ADGRB2: variants seen among roughly 807,000 people sequenced by gnomAD.
ADGRB2 encodes the protein adhesion G protein-coupled receptor B2, also known as brain-specific angiogenesis inhibitor 2.
In ADGRB2, 47 loss-of-function variants were observed where a neutral mutation model predicts 178.7. That is an observed-to-expected ratio of 0.26 (90% CI 0.21 to 0.34). ADGRB2 has a LOEUF of 0.34. Among genes scored for constraint, ADGRB2 ranks in the 10% least tolerant of loss-of-function variants. ADGRB2 has a pLI of 1.00. For missense variants in ADGRB2, 1,584 were observed against 2,180.8 expected, an observed-to-expected ratio of 0.73 and a Z score of 5.45; for synonymous variants, 870 against 912.4, an observed-to-expected ratio of 0.95 and a Z score of 0.84.
At chr1:31,762,242 T>C (rs990378174) in intron 1 of ADGRB2, among the ~76,000 whole-genome samples, 1 of 152,042 alleles carries the variant, frequency 6.6e-6, no homozygotes, top group African/African-American at 2.4e-5. Flanking sequence ...AGATCTCTTC[T>C]CTCAATCTTG....
chr1:31,756,307 GCAGCGGGCGC>G lies in ADGRB2; in HGVS notation c.520_529del (p.Ala174ProfsTer2). 6.2e-7 allele frequency: 1 copy of G among 1,613,048 alleles called. No homozygotes were observed. The highest frequency in any genetic ancestry group is 8.5e-7 in the Non-Finnish European group (1 of 1,179,962). ...GACCTCGACAAAGCGGAAGGCTAGGGCAGCGGGCGCCAGCAGGCGCGGGGCCTCGGAGGGC... is the reference window on the plus strand; with the variant it reads ...GACCTCGACAAAGCGGAAGGCTAGGGCAGCAGGCGCGGGGCCTCGGAGGGC... On this transcript the variant is annotated frameshift_variant, in exon 4 of 33. Coordinates refer to ENST00000373658, the MANE Select transcript of ADGRB2 (RefSeq NM_001364857.2). LOFTEE classifies it high-confidence loss of function. The surrounding 1 kb of genome is among the most constrained non-coding windows in gnomAD (Gnocchi z 8.5).
intron 4 of ADGRB2, among the ~76,000 whole-genome samples, chr1:31,752,714 G>A (rs887024861): frequency 1.3e-5 from 2 of 152,096 alleles, no homozygotes; most frequent in African/African-American, 4.8e-5. Context: ...GTGGGGCTTG[G>A]ACACCAGGCT....
Position 31,732,163 on chromosome 1 carries a change from A to C in ADGRB2, c.3721-9T>G. The C allele has an allele frequency of 6.2e-7, 1 of 1,614,082 alleles. No individual in the cohort carries two copies. The highest frequency in any genetic ancestry group is 8.5e-7 in the Non-Finnish European group (1 of 1,179,960). ...TCCTTTTCAAAGTCTGACTATAGGCAGAAAGGGAGGGGCAGGTGGGCAGAG... is the reference window on the plus strand; with the variant it reads ...TCCTTTTCAAAGTCTGACTATAGGCCGAAAGGGAGGGGCAGGTGGGCAGAG... On this transcript the variant is annotated splice_polypyrimidine_tract_variant and intron_variant, in intron 27 of 32. Transcript: ENST00000373658.
intron 4 of ADGRB2, among the ~76,000 whole-genome samples, chr1:31,745,297 CTGGAGGCACAGGTCAG>C (rs1646216599): frequency 6.6e-6 from 1 of 152,320 alleles, no homozygotes; most frequent in African/African-American, 2.4e-5. Flanking sequence ...GGACTGTGAC[CTGGAGGCACAGGTCAG>C]AATGCCACTC....
intron 1 of ADGRB2, 83 bp downstream of exon 1, chr1:31,763,801 A>C: frequency 1.0e-6 from 1 of 985,222 alleles, no homozygotes; most frequent in Non-Finnish European, 1.2e-6. Flanking sequence ...GAGCGCCCCG[A>C]GTCCGGGCCG....
At chr1:31,738,170 A>T (rs368156553) in intron 18 of ADGRB2, 30 bp downstream of exon 18, 14 of 1,609,284 alleles carry the variant, frequency 8.7e-6, no homozygotes, top group South Asian at 1.1e-5. Context: ...CTCCTCCCTT[A>T]TTCAGCCCAG....
rs1341103340 is a variant in ADGRB2 at position 31,755,251 on chromosome 1, T to C, written c.838+748A>G. Reference sequence around the variant, plus strand: ...TTGAAGCTGCAGGAAGCAGGGTCTGTAGAAGGCAGCCGTGGCTGAGGGAGC... The same window carrying C: ...TTGAAGCTGCAGGAAGCAGGGTCTGCAGAAGGCAGCCGTGGCTGAGGGAGC... On this transcript the variant is annotated intron_variant, in intron 4 of 32. Coordinates refer to ENST00000373658, the MANE Select transcript of ADGRB2 (RefSeq NM_001364857.2). This position sits in a 1 kb window ranked among gnomAD's most constrained non-coding sequence, Gnocchi z 5.1. 2.0e-5 allele frequency among the ~76,000 whole-genome samples: 3 copies of C among 152,076 alleles called. No individual in the cohort carries two copies. Among genetic ancestry groups the C allele is most frequent in the African/African-American group, 7.2e-5 (3 of 41,406 alleles).
At chr1:31,749,532 A>C (rs993072025) in intron 4 of ADGRB2, among the ~76,000 whole-genome samples, 4 of 152,260 alleles carry the variant, frequency 2.6e-5, no homozygotes, top group African/African-American at 7.2e-5. Flanking sequence ...GAAGGTAAGG[A>C]GGACACTTTC....
chr1:31,764,052 C>T lies in ADGRB2; in HGVS notation c.-359G>A. On this transcript the variant is annotated 5_prime_UTR_variant, in exon 1 of 33. Transcript: ENST00000373658. The surrounding 1 kb of genome is among the most constrained non-coding windows in gnomAD (Gnocchi z 7.3). ...CCGGGCGGCGGGTGCAGAAAAGGCG[C>T]CGCGGAGCAGCGCGGGGCGGGCGGG... 2 of 965,556 alleles carry T rather than the reference C, an allele frequency of 2.1e-6. No individual in the cohort carries two copies. Among genetic ancestry groups the T allele is most frequent in the Non-Finnish European group, 2.4e-6 (2 of 818,406 alleles). The allele number at this position is 965,556 out of a possible 1,614,324, so 59.8% of individuals were successfully genotyped here.
rs374362150 is a variant in ADGRB2, at chr1:31,741,365, G to A, written c.1794+8C>T. The A allele has an allele frequency of 5.0e-6, 8 of 1,592,880 alleles. No individual in the cohort carries two copies. The highest frequency in any genetic ancestry group is 6.0e-6 in the Non-Finnish European group (7 of 1,169,280). On this transcript the variant is annotated splice_region_variant and intron_variant, in intron 11 of 32. Coordinates refer to ENST00000373658, the MANE Select transcript of ADGRB2 (RefSeq NM_001364857.2). This position sits in a 1 kb window ranked among gnomAD's most constrained non-coding sequence, Gnocchi z 6.5. ...CTGCTGTGCCCCAGCCCAGCAGGGT[G>A]CACTCACTGACAGATACAGGTAGCG...
chr1:31,727,753 C>T lies in ADGRB2; in HGVS notation c.4573-148G>A. ...CAAGCAGAATTCAAATACAGACCTG[C>T]CTGGTTCCAGGGTGGGGCTCCTGAC... On this transcript the variant is annotated intron_variant, in intron 32 of 32. Coordinates refer to ENST00000373658, the MANE Select transcript of ADGRB2 (RefSeq NM_001364857.2). This position sits in a 1 kb window ranked among gnomAD's most constrained non-coding sequence, Gnocchi z 4.4. 1.0e-6 allele frequency: 1 copy of T among 994,636 alleles called. No individual in the cohort carries two copies. The highest frequency in any genetic ancestry group is 1.6e-5 in the African/African-American group (1 of 61,142). 61.6% of individuals were successfully genotyped at this position (994,636 alleles called of 1,614,324 possible).
Position 31,742,101 on chromosome 1 carries a change from T to C in ADGRB2, c.1369A>G (p.Thr457Ala). Residue 457 changes from threonine (T) to alanine (A), a missense_variant, in exon 8 of 33, where the codon ACG becomes GCG. Thr to Ala is a moderately conservative substitution (Grantham distance 58). Around this residue, in one of 3 missense-constraint regions of ADGRB2, gnomAD observed 657 missense variants for 847.6 expected, o/e 0.78. Coordinates refer to ENST00000373658, the MANE Select transcript of ADGRB2 (RefSeq NM_001364857.2). ...SVAGPAWATC[T>A]GALTDTRECS... is the part of the protein sequence containing the mutation. ...TCCCGGGTGTCAGTGAGGGCACCCGTGCATGTGGCCCAGGCTGGGCCCGCC... is the reference window on the plus strand; with the variant it reads ...TCCCGGGTGTCAGTGAGGGCACCCGCGCATGTGGCCCAGGCTGGGCCCGCC... 1 of 1,612,980 alleles carries C rather than the reference T, an allele frequency of 6.2e-7. No homozygotes were observed. The highest frequency in any genetic ancestry group is 1.1e-5 in the South Asian group (1 of 90,988).
At position 31,728,362 on chromosome 1, in the gene ADGRB2, C is replaced by G. The variant is rs937012487; in HGVS notation, c.4417-82G>C. 7.1e-7 allele frequency: 1 copy of G among 1,415,386 alleles called. No homozygotes were observed. The highest frequency in any genetic ancestry group is 9.8e-7 in the Non-Finnish European group (1 of 1,016,540). 87.7% of individuals were successfully genotyped at this position (1,415,386 alleles called of 1,614,324 possible). A position where few individuals can be genotyped will look rare whatever the true frequency, so the allele number is the denominator to read the frequency against. ...TACCCAGGGCACTCAGCACCCCAAGCCCCCCACATCCCTCCCTGCTGCCAG... is the reference window on the plus strand; with the variant it reads ...TACCCAGGGCACTCAGCACCCCAAGGCCCCCACATCCCTCCCTGCTGCCAG... On this transcript the variant is annotated intron_variant, in intron 30 of 32. Coordinates refer to ENST00000373658, the MANE Select transcript of ADGRB2 (RefSeq NM_001364857.2). This position sits in a 1 kb window ranked among gnomAD's most constrained non-coding sequence, Gnocchi z 6.7.
Position 31,755,979 on chromosome 1 carries a change from C to G in ADGRB2, c.838+20G>C. 1 of 1,585,094 alleles carries G rather than the reference C, an allele frequency of 6.3e-7. No individual in the cohort carries two copies. Among genetic ancestry groups the G allele is most frequent in the Admixed American group, 1.7e-5 (1 of 58,682 alleles). On this transcript the variant is annotated intron_variant, in intron 4 of 32. Coordinates refer to ENST00000373658, the MANE Select transcript of ADGRB2 (RefSeq NM_001364857.2). The surrounding 1 kb of genome is among the most constrained non-coding windows in gnomAD (Gnocchi z 5.1). Reference sequence around the variant, plus strand: ...CAGCCCCTGCAGACCCCGCCCCACCCAGGCCCTGCTGAGACTCACCATATC... The same window carrying G: ...CAGCCCCTGCAGACCCCGCCCCACCGAGGCCCTGCTGAGACTCACCATATC...
In ADGRB2 at chr1:31,738,502, TC is replaced by T. The variant is rs1645750888; in HGVS notation, c.2645+84del. 5 of 1,545,578 alleles carry T rather than the reference TC, an allele frequency of 3.2e-6. No homozygotes were observed. In the Admixed American group the frequency reaches 9.7e-5, roughly 30 times the overall value. Reference sequence around the variant, plus strand: ...AGGCTAGGATGGCACCAAAAATCCCTCTTGCCTTTTAGGCAGGAGACCCCTT... The same window carrying T: ...AGGCTAGGATGGCACCAAAAATCCCTTTGCCTTTTAGGCAGGAGACCCCTT... On this transcript the variant is annotated intron_variant, in intron 17 of 32. Transcript: ENST00000373658.
chr1:31,760,535 AG>A (rs757758068), intron 1 of ADGRB2: 9 of 136,882 alleles, frequency 6.6e-5, no homozygotes, highest in Non-Finnish European at 1.4e-4. Context: ...GGGGTGTCTC[AG>A]GCCCAGGGCC....
chr1:31,727,309 C>A lies in ADGRB2; in HGVS notation c.*111G>T. The A allele has an allele frequency of 1.5e-6, 2 of 1,357,082 alleles. No homozygotes were observed. The highest frequency in any genetic ancestry group is 1.6e-5 in the South Asian group (1 of 64,424). 84.1% of individuals were successfully genotyped at this position (1,357,082 alleles called of 1,614,324 possible). A position where few individuals can be genotyped will look rare whatever the true frequency, so the allele number is the denominator to read the frequency against. On this transcript the variant is annotated 3_prime_UTR_variant, in exon 33 of 33. Coordinates refer to ENST00000373658, the MANE Select transcript of ADGRB2 (RefSeq NM_001364857.2). The surrounding 1 kb of genome is among the most constrained non-coding windows in gnomAD (Gnocchi z 4.4). ...TGGCTGAGTCCACGGCGCCTCCCTG[C>A]CCAGCCCTCGGGAGAGGGGAGAGGG...
At position 31,740,594 on chromosome 1, in the gene ADGRB2, A is replaced by G; in HGVS notation, c.1795-53T>C. The G allele has an allele frequency of 6.7e-7, 1 of 1,498,358 alleles. No individual in the cohort carries two copies. Among genetic ancestry groups the G allele is most frequent in the South Asian group, 1.3e-5 (1 of 75,332 alleles). The allele number at this position is 1,498,358 out of a possible 1,614,324, so 92.8% of individuals were successfully genotyped here. On this transcript the variant is annotated intron_variant, in intron 11 of 32. Transcript: ENST00000373658. This position sits in a 1 kb window ranked among gnomAD's most constrained non-coding sequence, Gnocchi z 5.9. ...CTGAAGTGTCAGGAGCTGGAACCAG[A>G]CCCTGGCCCATCCCACTCCAGTCCA...
rs1052725385 is a variant in ADGRB2, at chr1:31,754,160, G to A, written c.838+1839C>T. ...GGCCTCTGCAGAGGCTCTGATGATG[G>A]TGCCTTTCCCATCACCGGCCCTCTC... On this transcript the variant is annotated intron_variant, in intron 4 of 32. Coordinates refer to ENST00000373658, the MANE Select transcript of ADGRB2 (RefSeq NM_001364857.2). The surrounding 1 kb of genome is among the most constrained non-coding windows in gnomAD (Gnocchi z 5.7). Among the ~76,000 whole-genome samples the A allele has an allele frequency of 1.3e-5, 2 of 152,182 alleles. No homozygotes were observed. The highest frequency in any genetic ancestry group is 2.9e-5 in the Non-Finnish European group (2 of 68,012).
Sources: allele counts gnomAD v4.1 joint callset (sites outside exome capture counted in the v4.1 genomes callset), GRCh38; gene constraint gnomAD v4.1.1; regional missense constraint gnomAD v4.1.1; non-coding constraint Gnocchi (gnomAD v3.1); transcripts MANE v1.5; gene names NCBI Gene and HGNC (gene_info 2026-07-23, HGNC 2026-07-21).